The following MYOZ2 variants were observed in gnomAD, a reference collection of about 807,000 sequenced individuals.
MYOZ2 encodes myozenin 2, also known as myozenin-2.
In MYOZ2, 19 loss-of-function variants were observed where a neutral mutation model predicts 25.4. That is an observed-to-expected ratio of 0.75 (90% CI 0.52 to 1.10). The LOEUF (loss-of-function observed/expected upper bound fraction) is 1.10, where lower values mean the gene tolerates loss of function less well. MYOZ2 is among the 50% of genes least tolerant of loss of function. The pLI is 0.00. For missense variants in MYOZ2, 270 were observed against 317.9 expected, an observed-to-expected ratio of 0.85 and a Z score of 1.15; for synonymous variants, 92 against 106.9, an observed-to-expected ratio of 0.86 and a Z score of 0.86.
At chr4:119,158,796 A>G (rs1741644126) in intron 4 of MYOZ2, among the ~76,000 whole-genome samples, 1 of 152,174 alleles carries the variant, frequency 6.6e-6, no homozygotes, top group East Asian at 1.9e-4. Flanking sequence ...CAGTAACTCT[A>G]TGACATATTA....
chr4:119,142,208 G>A (rs1302974783), intron 2 of MYOZ2, among the ~76,000 whole-genome samples: 1 of 152,130 alleles, frequency 6.6e-6, no homozygotes, highest in Non-Finnish European at 1.5e-5. Context: ...CACCATGGAA[G>A]CACTAAATGC....
chr4:119,181,386 T>A (rs1324285033), intron 5 of MYOZ2, among the ~76,000 whole-genome samples: 1 of 152,224 alleles, frequency 6.6e-6, no homozygotes, highest in Non-Finnish European at 1.5e-5. Flanking sequence ...AATATCCTCA[T>A]CTGGACTCTA....
intron 2 of MYOZ2, among the ~76,000 whole-genome samples, chr4:119,137,482 C>G (rs774284534): frequency 1.3e-5 from 2 of 152,080 alleles, no homozygotes; most frequent in African/African-American, 2.4e-5. Context: ...AGGAATGCAG[C>G]CTTTCACCAC....
intron 5 of MYOZ2, among the ~76,000 whole-genome samples, chr4:119,170,452 A>G (rs1282872806): frequency 1.3e-5 from 2 of 152,114 alleles, no homozygotes; most frequent in Admixed American, 6.5e-5. Flanking sequence ...GTGGCTCTTG[A>G]TATGTGTAGT....
At chr4:119,184,089 A>G (rs1466833151) in intron 5 of MYOZ2, among the ~76,000 whole-genome samples, 1 of 152,188 alleles carries the variant, frequency 6.6e-6, no homozygotes, top group African/African-American at 2.4e-5. Flanking sequence ...TGCTGGGATT[A>G]CAGGTGCGAA....
intron 5 of MYOZ2, among the ~76,000 whole-genome samples, chr4:119,179,263 C>T (rs975064902): frequency 2.6e-5 from 4 of 152,194 alleles, no homozygotes; most frequent in East Asian, 1.9e-4. Context: ...ATAATAGACT[C>T]CTTCTCACCT....
rs1742337273 is a variant in MYOZ2 at position 119,187,723 on chromosome 4, T to C, written c.*1523T>C. ...ATCTGTGATAAACTATCAATGAGGC[T>C]CCCATCATGCCATTTTTTGTTCATT... On this transcript the variant is annotated 3_prime_UTR_variant, in exon 6 of 6. Transcript: ENST00000307128. 1 of 152,142 alleles carries C rather than the reference T, an allele frequency of 6.6e-6. No individual in the cohort carries two copies. Among genetic ancestry groups the C allele is most frequent in the Non-Finnish European group, 1.5e-5 (1 of 68,016 alleles). 9.4% of individuals were successfully genotyped at this position (152,142 alleles called of 1,614,324 possible).
intron 5 of MYOZ2, among the ~76,000 whole-genome samples, chr4:119,176,476 G>A (rs1742073869): frequency 6.6e-6 from 1 of 152,154 alleles, no homozygotes; most frequent in South Asian, 2.1e-4. Context: ...GCCCACTTCG[G>A]CCTCCGAAAG....
chr4:119,155,225 T>C (rs1354967443), intron 3 of MYOZ2, among the ~76,000 whole-genome samples: 2 of 152,156 alleles, frequency 1.3e-5, no homozygotes, highest in East Asian at 3.8e-4. Context: ...CGCCTCCCAT[T>C]AGGCCCCAAC....
At chr4:119,137,347 G>A (rs1741053294) in intron 2 of MYOZ2, among the ~76,000 whole-genome samples, 1 of 152,044 alleles carries the variant, frequency 6.6e-6, no homozygotes, top group Non-Finnish European at 1.5e-5. Flanking sequence ...TTGTTTATAA[G>A]CAACGTATAG....
In MYOZ2 at chr4:119,186,016, T is replaced by C; in HGVS notation, c.611T>C (p.Phe204Ser). 1 of 1,614,070 alleles carries C rather than the reference T, an allele frequency of 6.2e-7. No homozygotes were observed. The highest frequency in any genetic ancestry group is 8.5e-7 in the Non-Finnish European group (1 of 1,179,994). The change falls in exon 6 of 6, where the codon TTT (phenylalanine) becomes TCT (serine). Residue 204 changes from phenylalanine (F) to serine (S), a missense_variant. Physicochemically the swap from Phe to Ser is radical, Grantham distance 155. Coordinates refer to ENST00000307128, the MANE Select transcript of MYOZ2 (RefSeq NM_016599.5). ...GAAAAAGCATCAAGAATGGTTAAAT[T>C]TAAAGTTCCAGATTTTGAGCTACTA... Reference protein sequence around the residue: ...GFEKASRMVKFKVPDFELLLL... With the variant: ...GFEKASRMVKSKVPDFELLLL...
intron 2 of MYOZ2, among the ~76,000 whole-genome samples, chr4:119,137,240 A>G (rs1367303602): frequency 6.6e-6 from 1 of 152,160 alleles, no homozygotes; most frequent in Non-Finnish European, 1.5e-5. Context: ...GTGCAAGGTA[A>G]TATTTCACTC....
At chr4:119,174,830 C>G (rs1004768412) in intron 5 of MYOZ2, among the ~76,000 whole-genome samples, 1 of 152,130 alleles carries the variant, frequency 6.6e-6, no homozygotes, top group Non-Finnish European at 1.5e-5. Context: ...TGGGTCCACG[C>G]TGCTTTTATG....
chr4:119,175,101 G>A (rs978199861), intron 5 of MYOZ2, among the ~76,000 whole-genome samples: 8 of 151,588 alleles, frequency 5.3e-5, no homozygotes, highest in African/African-American at 1.9e-4. Context: ...GAGGGTCCGC[G>A]GCTTCATTCT....
intron 5 of MYOZ2, among the ~76,000 whole-genome samples, chr4:119,175,234 A>T (rs907252839): frequency 5.3e-5 from 8 of 152,202 alleles, no homozygotes; most frequent in African/African-American, 1.7e-4. Flanking sequence ...ATCGGTAGGA[A>T]AAAAACAAAA....
intron 5 of MYOZ2, among the ~76,000 whole-genome samples, chr4:119,164,913 C>T (rs987745260): frequency 1.3e-5 from 2 of 151,826 alleles, no homozygotes; most frequent in African/African-American, 4.8e-5. Context: ...AAAAATATCA[C>T]CAAATGATAT....
rs768602108 is a variant in MYOZ2, at chr4:119,150,841, G to A, written c.77-31G>A. The stretch of plus-strand genomic sequence containing the variant: ...AAAGCATTAAAAATGCTTACCTTGG[G>A]ATTTTTACTCATATGAATATTGTTT... On this transcript the variant is annotated intron_variant, in intron 2 of 5. Transcript: ENST00000307128. 7 of 1,604,620 alleles carry A rather than the reference G, an allele frequency of 4.4e-6. No individual in the cohort carries two copies. In the East Asian group the frequency reaches 1.6e-4, roughly 36 times the overall value.
chr4:119,166,193 A>G (rs1741820274), intron 5 of MYOZ2, among the ~76,000 whole-genome samples: 1 of 152,188 alleles, frequency 6.6e-6, no homozygotes. Flanking sequence ...TTATTATTAA[A>G]TAACATTAAT....
At chr4:119,141,304 G>A (rs1014766597) in intron 2 of MYOZ2, among the ~76,000 whole-genome samples, 4 of 152,184 alleles carry the variant, frequency 2.6e-5, no homozygotes, top group Non-Finnish European at 5.9e-5. Context: ...CTATGGATTA[G>A]ATTAACTCAT....
Sources: gnomAD v4.1 joint callset for allele counts (sites outside exome capture counted in the v4.1 genomes callset) on GRCh38, gnomAD v4.1.1 for gene constraint, MANE v1.5 for transcripts, NCBI Gene and HGNC (gene_info 2026-07-23, HGNC 2026-07-21) for gene names.